VPS41: variants seen among roughly 807,000 people sequenced by gnomAD.
VPS41 encodes VPS41 subunit of HOPS complex.
Under a neutral mutation model 130.9 loss-of-function variants are expected in VPS41, and 85 were observed. The ratio of observed to expected loss-of-function variants is 0.65; its 90% CI spans 0.55 to 0.78. VPS41 has a LOEUF of 0.78. VPS41 is among the 30% of genes least tolerant of loss of function. VPS41 has a pLI of 0.00. For missense variants in VPS41, 874 were observed against 1,018.7 expected (o/e 0.86, Z 1.93); for synonymous variants, 335 against 332.9 (o/e 1.01, Z -0.07).
intron 2 of VPS41, among the ~76,000 whole-genome samples, chr7:38,895,543 A>G (rs913603607): frequency 6.6e-6 from 1 of 152,122 alleles, no homozygotes; most frequent in Non-Finnish European, 1.5e-5. Flanking sequence ...ATTTTCCTGG[A>G]TAGCAGTAAC....
intron 2 of VPS41, among the ~76,000 whole-genome samples, chr7:38,894,294 G>T (rs1459285413): frequency 1.3e-5 from 2 of 152,120 alleles, no homozygotes; most frequent in Non-Finnish European, 2.9e-5. Flanking sequence ...GTCTTCAAAG[G>T]CTCAACTGCA....
intron 2 of VPS41, among the ~76,000 whole-genome samples, chr7:38,886,761 T>C (rs575721357): frequency 6.6e-6 from 1 of 152,266 alleles, no homozygotes; most frequent in Non-Finnish European, 1.5e-5. Flanking sequence ...GGAGACACCT[T>C]CCAGTAGGGG....
At chr7:38,878,121 C>T (rs553227940) in intron 2 of VPS41, among the ~76,000 whole-genome samples, 2 of 152,262 alleles carry the variant, frequency 1.3e-5, no homozygotes, top group Non-Finnish European at 2.9e-5. Context: ...TTAAGCAGTG[C>T]AGGACCAAAG....
At chr7:38,800,084 G>A (rs1185005081) in intron 7 of VPS41, among the ~76,000 whole-genome samples, 1 of 152,074 alleles carries the variant, frequency 6.6e-6, no homozygotes, top group Non-Finnish European at 1.5e-5. Flanking sequence ...GCTAAGAAAT[G>A]ATCAGACAAG....
At chr7:38,894,080 T>C (rs1786925554) in intron 2 of VPS41, among the ~76,000 whole-genome samples, 1 of 152,212 alleles carries the variant, frequency 6.6e-6, no homozygotes, top group Non-Finnish European at 1.5e-5. Flanking sequence ...GAAATTATCC[T>C]AGCACTTGAA....
intron 7 of VPS41, among the ~76,000 whole-genome samples, chr7:38,810,623 T>C (rs1250912125): frequency 6.6e-6 from 1 of 152,178 alleles, no homozygotes; most frequent in Non-Finnish European, 1.5e-5. Context: ...CAACGATTTA[T>C]TTGGCTGTCA....
chr7:38,815,476 C>G (rs1392980088), intron 7 of VPS41, among the ~76,000 whole-genome samples: 1 of 152,068 alleles, frequency 6.6e-6, no homozygotes, highest in East Asian at 1.9e-4. Context: ...TTAATAAGAA[C>G]ACCTGGGTTT....
At chr7:38,785,054 T>G (rs909360733) in intron 10 of VPS41, among the ~76,000 whole-genome samples, 7 of 152,240 alleles carry the variant, frequency 4.6e-5, no homozygotes, top group African/African-American at 1.7e-4. Context: ...TATTCATTTA[T>G]GAAAATGCAT....
intron 10 of VPS41, among the ~76,000 whole-genome samples, chr7:38,778,764 G>GA (rs1784305569): frequency 6.6e-6 from 1 of 152,104 alleles, no homozygotes; most frequent in Non-Finnish European, 1.5e-5. Flanking sequence ...CAAAAGAAGG[G>GA]GTGGGAGAAG....
At chr7:38,849,540 C>A (rs1785803644) in intron 4 of VPS41, among the ~76,000 whole-genome samples, 1 of 152,206 alleles carries the variant, frequency 6.6e-6, no homozygotes, top group South Asian at 2.1e-4. Flanking sequence ...TCTGGCCGCT[C>A]AGTAGCCCGG....
At chr7:38,796,696 T>C (rs1453460855) in intron 8 of VPS41, 49 bp downstream of exon 8, 3 of 1,611,714 alleles carry the variant, frequency 1.9e-6, no homozygotes, top group Non-Finnish European at 1.7e-6. Flanking sequence ...AAGTTGGCCA[T>C]TCTTCTGCCA....
intron 2 of VPS41, among the ~76,000 whole-genome samples, chr7:38,887,484 G>C (rs1166232822): frequency 2.0e-5 from 3 of 152,190 alleles, no homozygotes; most frequent in East Asian, 1.9e-4. Flanking sequence ...AGAGAAAAAA[G>C]AGTGAAAAGA....
chr7:38,901,297 T>C (rs1170547427), intron 1 of VPS41, among the ~76,000 whole-genome samples: 1 of 152,136 alleles, frequency 6.6e-6, no homozygotes, highest in African/African-American at 2.4e-5. Flanking sequence ...CTTAGTACAT[T>C]TGTGTTGCTC....
chr7:38,841,241 T>C (rs766055923), intron 4 of VPS41, among the ~76,000 whole-genome samples: 9 of 152,224 alleles, frequency 5.9e-5, no homozygotes, highest in Non-Finnish European at 1.0e-4. Flanking sequence ...TCAGATGTAC[T>C]TCATTCCTCA....
chr7:38,794,264 C>T (rs969109232), intron 9 of VPS41, among the ~76,000 whole-genome samples: 6 of 152,234 alleles, frequency 3.9e-5, no homozygotes, highest in South Asian at 4.2e-4. Flanking sequence ...TTCCATCCTA[C>T]GATATAGGCA....
At chr7:38,880,630 T>C (rs989615583) in intron 2 of VPS41, among the ~76,000 whole-genome samples, 8 of 152,150 alleles carry the variant, frequency 5.3e-5, no homozygotes, top group Admixed American at 6.5e-5. Context: ...TCTACTCAGG[T>C]CTTTGGGGAA....
Position 38,737,259 on chromosome 7 carries a change from C to T in VPS41, c.2259+4726G>A, listed in dbSNP as rs148044343. 1.1e-3 allele frequency among the ~76,000 whole-genome samples: 163 copies of T among 152,174 alleles called. 1 individual carries two copies. Among genetic ancestry groups the T allele is most frequent in the African/African-American group, 3.8e-3 (157 of 41,506 alleles). ...TGGTGGCACGTGTCTGTAATCCCAG[C>T]TACTCAGGAGGCTGATGCAGGAGAA... On this transcript the variant is annotated intron_variant, in intron 25 of 28. Transcript: ENST00000310301.
chr7:38,807,471 T>A (rs919546241), intron 7 of VPS41, among the ~76,000 whole-genome samples: 5 of 152,208 alleles, frequency 3.3e-5, no homozygotes, highest in Non-Finnish European at 7.3e-5. Flanking sequence ...CCCATAGTGT[T>A]GTATGTGAAT....
Position 38,742,031 on chromosome 7 carries a change from T to G in VPS41, c.2213A>C (p.Asn738Thr). Reference protein sequence around the residue: ...HRIKEGMEIPNLRDSLVKILQ... With the variant: ...HRIKEGMEIPTLRDSLVKILQ... ...AATTTTAACCAAGGAATCTCTCAAA[T>G]TGGGGATCTCCATTCCTTCCTTAAT... Residue 738 changes from asparagine to threonine, a missense_variant, in exon 25 of 29, where the codon AAT (asparagine) becomes ACT (threonine). Physicochemically the swap from Asn to Thr is moderately conservative, Grantham distance 65. Coordinates refer to ENST00000310301, the MANE Select transcript of VPS41 (RefSeq NM_014396.4). The G allele has an allele frequency of 6.2e-7, 1 of 1,613,446 alleles. No homozygotes were observed.
Sources: gnomAD v4.1 joint callset for allele counts (sites outside exome capture counted in the v4.1 genomes callset) on GRCh38, gnomAD v4.1.1 for gene constraint, MANE v1.5 for transcripts, NCBI Gene and HGNC (gene_info 2026-07-23, HGNC 2026-07-21) for gene names.